Variants in NABP1 observed in about 807,000 individuals in gnomAD.
The protein encoded by NABP1 is SOSS complex subunit B2.
In NABP1, 18 loss-of-function variants were observed where a neutral mutation model predicts 25.0. The ratio of observed to expected loss-of-function variants is 0.72; its 90% CI spans 0.50 to 1.07. NABP1 has a LOEUF of 1.07. Among genes scored for constraint, NABP1 ranks in the 50% least tolerant of loss-of-function variants. The probability of loss-of-function intolerance (pLI) is 0.00; values close to 1 mark genes in which losing one functional copy is unlikely to be tolerated. For synonymous variants in NABP1, 71 were observed against 85.0 expected (o/e 0.84, Z 0.91); for missense variants, 270 against 255.6 (o/e 1.06, Z -0.39).
intron 5 of NABP1, among the ~76,000 whole-genome samples, 200 bp from the exon 6 acceptor site, chr2:191,685,397 CTA>C (rs1472982214): frequency 6.6e-6 from 1 of 151,536 alleles, no homozygotes; most frequent in Non-Finnish European, 1.5e-5. Flanking sequence ...TTTTTTCTCT[CTA>C]TTAATACAGC....
intron 2 of NABP1, among the ~76,000 whole-genome samples, chr2:191,679,331 C>T (rs1192751099): frequency 6.6e-6 from 1 of 152,186 alleles, no homozygotes; most frequent in Non-Finnish European, 1.5e-5. Context: ...TCGGTTTCAG[C>T]TGGGAAATCC....
rs1386132955 is a variant in NABP1 at position 191,678,451 on chromosome 2, C to T, written c.-164C>T. 6 of 384,272 alleles carry T rather than the reference C, an allele frequency of 1.6e-5. No homozygotes were observed. The highest frequency in any genetic ancestry group is 4.8e-5 in the African/African-American group (2 of 41,448). The allele number at this position is 384,272 out of a possible 1,614,324, so 23.8% of individuals were successfully genotyped here. A position where few individuals can be genotyped will look rare whatever the true frequency, so the allele number is the denominator to read the frequency against. The stretch of plus-strand genomic sequence containing the variant: ...TTCTTTTTTTAGGCTCAGTGCTGTC[C>T]GGGCTGGTTTGCCCGGTCCCTGACT... On this transcript the variant is annotated 5_prime_UTR_variant, in exon 1 of 6. Transcript: ENST00000425611.
chr2:191,680,928 C>T (rs2105641744), intron 2 of NABP1, among the ~76,000 whole-genome samples: 1 of 152,202 alleles, frequency 6.6e-6, no homozygotes, highest in East Asian at 1.9e-4. Flanking sequence ...AGAAAAGTAG[C>T]TTTTGAAGAA....
chr2:191,684,213 T>A lies in NABP1; in HGVS notation c.379-17T>A. On this transcript the variant is annotated splice_polypyrimidine_tract_variant and intron_variant, in intron 4 of 5. Coordinates refer to ENST00000425611, the MANE Select transcript of NABP1 (RefSeq NM_001031716.5). ...TGTTTTTATTCTCGTTTGGTTAAAT[T>A]AAAAACTTTTTTTTAGGCACAGAGT... 1 of 1,513,426 alleles carries A rather than the reference T, an allele frequency of 6.6e-7. No individual in the cohort carries two copies. 93.7% of individuals were successfully genotyped at this position (1,513,426 alleles called of 1,614,324 possible).
At position 191,683,259 on chromosome 2, in the gene NABP1, C is replaced by A; in HGVS notation, c.303-470C>A. 1 of 172,872 alleles carries A rather than the reference C, an allele frequency of 5.8e-6. No homozygotes were observed. Among genetic ancestry groups the A allele is most frequent in the Non-Finnish European group, 1.2e-5 (1 of 81,252 alleles). 10.7% of individuals were successfully genotyped at this position (172,872 alleles called of 1,614,324 possible). ...TTGTTATTATTTATTGCCTAGAAAC[C>A]ACTCTTAACCCTAAATGATTATCTT... On this transcript the variant is annotated intron_variant, in intron 3 of 5. Coordinates refer to ENST00000425611, the MANE Select transcript of NABP1 (RefSeq NM_001031716.5). The surrounding 1 kb of genome is among the most constrained non-coding windows in gnomAD (Gnocchi z 4.1).
In NABP1 at chr2:191,685,881, T is replaced by TAAAA; in HGVS notation, c.*114_*115insAAAA. 1 of 1,016,596 alleles carries TAAAA rather than the reference T, an allele frequency of 9.8e-7. No homozygotes were observed. The highest frequency in any genetic ancestry group is 1.4e-6 in the Non-Finnish European group (1 of 701,914). 63.0% of individuals were successfully genotyped at this position (1,016,596 alleles called of 1,614,324 possible). A position where few individuals can be genotyped will look rare whatever the true frequency, so the allele number is the denominator to read the frequency against. On this transcript the variant is annotated 3_prime_UTR_variant, in exon 6 of 6. Transcript: ENST00000425611. ...GTACGTCCTTTATTGGGTTTCCTTTTATATTCTTGGTTTGTTAAGAAGAAT... is the reference window on the plus strand; with the variant it reads ...GTACGTCCTTTATTGGGTTTCCTTTTAAAAATATTCTTGGTTTGTTAAGAAGAAT...
In NABP1 at chr2:191,678,977, T is replaced by G. The variant is rs1376941165; in HGVS notation, c.92-13T>G. ...TCTAACAACCCCTCCCTTTGATTTT[T>G]AAATCCTCACAGGACGCGTGACCAA... On this transcript the variant is annotated splice_polypyrimidine_tract_variant and intron_variant, in intron 1 of 5. Transcript: ENST00000425611. 3 of 1,614,214 alleles carry G rather than the reference T, an allele frequency of 1.9e-6. No individual in the cohort carries two copies. Among genetic ancestry groups the G allele is most frequent in the Non-Finnish European group, 2.5e-6 (3 of 1,180,028 alleles).
chr2:191,685,852 A>G lies in NABP1; in HGVS notation c.*84A>G, dbSNP rs1408134376. 9 of 1,306,070 alleles carry G rather than the reference A, an allele frequency of 6.9e-6. No individual in the cohort carries two copies. The highest frequency in any genetic ancestry group is 1.5e-5 in the African/African-American group (1 of 66,476). 80.9% of individuals were successfully genotyped at this position (1,306,070 alleles called of 1,614,324 possible). ...GCACTTTTATTTATTGTTAACTGTG[A>G]AAAGTACGTCCTTTATTGGGTTTCC... is the stretch of plus-strand genomic sequence containing the variant. On this transcript the variant is annotated 3_prime_UTR_variant, in exon 6 of 6. Coordinates refer to ENST00000425611, the MANE Select transcript of NABP1 (RefSeq NM_001031716.5).
In NABP1 at chr2:191,678,997, G is replaced by A; in HGVS notation, c.99G>A (p.Val33=). ...VVFIVLEIGR[V]TKTKDGHEVR... ...ATTTTTAAATCCTCACAGGACGCGTGACCAAAACCAAAGACGGCCATGAAG... is the reference window on the plus strand; with the variant it reads ...ATTTTTAAATCCTCACAGGACGCGTAACCAAAACCAAAGACGGCCATGAAG... The change falls in exon 2 of 6, where the codon GTG becomes GTA. Residue 33 remains valine (V), a synonymous_variant. Coordinates refer to ENST00000425611, the MANE Select transcript of NABP1 (RefSeq NM_001031716.5). 6.2e-7 allele frequency: 1 copy of A among 1,614,196 alleles called. No homozygotes were observed. Among genetic ancestry groups the A allele is most frequent in the Non-Finnish European group, 8.5e-7 (1 of 1,180,038 alleles).
intron 2 of NABP1, among the ~76,000 whole-genome samples, chr2:191,679,782 GTTGTTTCCC>G (rs1465576555): frequency 6.6e-5 from 10 of 152,268 alleles, no homozygotes; most frequent in African/African-American, 2.4e-4. Context: ...TTGCCACTCA[GTTGTTTCCC>G]ACCCCTTCTC....
chr2:191,684,741 A>G (rs1392305988), intron 5 of NABP1: 1 of 152,830 alleles, frequency 6.5e-6, no homozygotes, highest in Non-Finnish European at 1.5e-5. Flanking sequence ...CCCAGACATC[A>G]TGTTCATGAT....
chr2:191,678,786 G>T (rs927826530), intron 1 of NABP1, 81 bp downstream of exon 1: 2 of 1,321,012 alleles, frequency 1.5e-6, no homozygotes, highest in Non-Finnish European at 2.1e-6. Context: ...CTGCGCGCCC[G>T]GGGCTCCCCT....
intron 2 of NABP1, among the ~76,000 whole-genome samples, chr2:191,680,834 A>G (rs1687667490): frequency 6.6e-6 from 1 of 152,160 alleles, no homozygotes; most frequent in East Asian, 1.9e-4. Context: ...GTGAAATGGG[A>G]ATAATTATAC....
chr2:191,683,199 G>A lies in NABP1; in HGVS notation c.303-530G>A. On this transcript the variant is annotated intron_variant, in intron 3 of 5. Transcript: ENST00000425611. The surrounding 1 kb of genome is among the most constrained non-coding windows in gnomAD (Gnocchi z 4.1). ...TACACATTATATGGTCAACTTACAG[G>A]AAGCACTTGGATAAACTGGTGGCTA... is the stretch of plus-strand genomic sequence containing the variant. 6.1e-6 allele frequency: 1 copy of A among 164,748 alleles called. No homozygotes were observed. Among genetic ancestry groups the A allele is most frequent in the South Asian group, 1.6e-4 (1 of 6,338 alleles). The allele number at this position is 164,748 out of a possible 1,614,324, so 10.2% of individuals were successfully genotyped here.
At chr2:191,685,547 C>G in intron 5 of NABP1, 52 bp from the exon 6 acceptor site, 1 of 1,501,810 alleles carries the variant, frequency 6.7e-7, no homozygotes, top group Non-Finnish European at 9.0e-7. Context: ...GATAGTTCTA[C>G]TTCTATAGAC....
In NABP1 at chr2:191,685,765, A is replaced by T. The variant is rs754562288; in HGVS notation, c.612A>T (p.Arg204Ser). 1 of 1,613,994 alleles carries T rather than the reference A, an allele frequency of 6.2e-7. No individual in the cohort carries two copies. The highest frequency in any genetic ancestry group is 1.1e-5 in the South Asian group (1 of 91,076). The change falls in exon 6 of 6, where the codon AGA (arginine) becomes AGT (serine). Residue 204 changes from arginine (R) to serine (S), a missense_variant. By Grantham distance (110) the Arg-to-Ser change is moderately radical. Transcript: ENST00000425611. ...NGRDPRRAFK[R>S] ...GGGACCCTCGGAGAGCCTTTAAAAGATGACCTATGCTAAATACTCATGTGT... is the reference window on the plus strand; with the variant it reads ...GGGACCCTCGGAGAGCCTTTAAAAGTTGACCTATGCTAAATACTCATGTGT...
In NABP1 at chr2:191,684,285, T is replaced by G. The variant is rs775170355; in HGVS notation, c.434T>G (p.Phe145Cys). Reference protein sequence around the residue: ...SMNSNMGTGTFGPVGNGVHTG... With the variant: ...SMNSNMGTGTCGPVGNGVHTG... ...AATAGTAATATGGGTACAGGTACAT[T>G]TGGACCAGTGGGTAAGATTTTGTTT... Residue 145 changes from phenylalanine (F) to cysteine (C), a missense_variant, in exon 5 of 6, where the codon TTT becomes TGT. Coordinates refer to ENST00000425611, the MANE Select transcript of NABP1 (RefSeq NM_001031716.5). 2.0e-6 allele frequency: 3 copies of G among 1,528,556 alleles called. No individual in the cohort carries two copies. In the African/African-American group the frequency reaches 4.4e-5, roughly 22 times the overall value. 94.7% of individuals were successfully genotyped at this position (1,528,556 alleles called of 1,614,324 possible). A position where few individuals can be genotyped will look rare whatever the true frequency, so the allele number is the denominator to read the frequency against.
intron 5 of NABP1, among the ~76,000 whole-genome samples, chr2:191,684,543 T>C (rs775152400): frequency 6.6e-5 from 10 of 152,194 alleles, no homozygotes; most frequent in Non-Finnish European, 8.8e-5. Flanking sequence ...TTGATTCCTA[T>C]AAAATTTCTA....
At chr2:191,678,749 C>T (rs901384112) in intron 1 of NABP1, 44 bp downstream of exon 1, 3 of 1,557,764 alleles carry the variant, frequency 1.9e-6, no homozygotes, top group African/African-American at 2.7e-5. Flanking sequence ...CTGTGCCTCC[C>T]GGGGCGGGAG....
Sources: allele counts gnomAD v4.1 joint callset (sites outside exome capture counted in the v4.1 genomes callset), GRCh38; gene constraint gnomAD v4.1.1; non-coding constraint Gnocchi (gnomAD v3.1); transcripts MANE v1.5; gene names NCBI Gene and HGNC (gene_info 2026-07-23, HGNC 2026-07-21).